Variants in CPS1 observed in about 807,000 individuals in gnomAD.
The protein encoded by CPS1 is carbamoyl-phosphate synthase [ammonia], mitochondrial.
Under a neutral mutation model 174.6 loss-of-function variants are expected in CPS1, and 109 were observed. That is an observed-to-expected ratio of 0.62 (90% CI 0.53 to 0.73). CPS1 has a LOEUF of 0.73. CPS1 is among the 30% of genes least tolerant of loss of function. The pLI is 0.00. For missense variants in CPS1, 1,689 were observed against 1,821.9 expected (o/e 0.93, Z 1.33); for synonymous variants, 637 against 632.0 (o/e 1.01, Z -0.12).
At chr2:210,648,442 A>G (rs546062956) in intron 26 of CPS1, 31 bp from the exon 27 acceptor site, 4 of 1,556,956 alleles carry the variant, frequency 2.6e-6, no homozygotes, top group East Asian at 2.2e-5. Context: ...TAAACTACTC[A>G]TACATTTTTA....
At position 210,582,682 on chromosome 2, in the gene CPS1, G is replaced by A. The variant is rs150369462; in HGVS notation, c.594G>A (p.Gln198=). The A allele has an allele frequency of 2.9e-5, 47 of 1,613,030 alleles. No homozygotes were observed. In the African/African-American group the frequency reaches 5.5e-4, roughly 19 times the overall value. Residue 198 remains glutamine, a synonymous_variant, in exon 6 of 38, where the codon CAG becomes CAA. Coordinates refer to ENST00000233072, the MANE Select transcript of CPS1 (RefSeq NM_001875.5). The stretch of plus-strand genomic sequence containing the variant: ...TGGATTTTGTGGATCCAAATAAACA[G>A]AATTTGATTGCTGAGGTTTCAACCA... The part of the protein sequence containing the change: ...QPVDFVDPNK[Q]NLIAEVSTKD...
At chr2:210,482,672 GAGAA>G (rs1460347552) in intron 1 of CPS1, among the ~76,000 whole-genome samples, 3 of 80,968 alleles carry the variant, frequency 3.7e-5, no homozygotes, top group African/African-American at 5.7e-5. Flanking sequence ...GAGAGAGAGA[GAGAA>G]AGAGAGAGAG....
chr2:210,595,341 C>T, intron 12 of CPS1, 146 bp from the exon 13 acceptor site: 1 of 624,130 alleles, frequency 1.6e-6, no homozygotes, highest in Non-Finnish European at 2.9e-6. Flanking sequence ...TAGTCTTTTT[C>T]CCTATATATT....
At chr2:210,579,546 C>G (rs1046780276) in intron 4 of CPS1, among the ~76,000 whole-genome samples, 168 bp from the exon 5 acceptor site, 1 of 152,168 alleles carries the variant, frequency 6.6e-6, no homozygotes, top group Middle Eastern at 3.4e-3. Flanking sequence ...ACTGTAGCAA[C>G]AATTTACTGT....
At chr2:210,616,704 T>C (rs549193930) in intron 21 of CPS1, among the ~76,000 whole-genome samples, 163 bp downstream of exon 21, 110 of 151,990 alleles carry the variant, frequency 7.2e-4, no homozygotes, top group Middle Eastern at 3.4e-3. Flanking sequence ...GGCAGGTTTT[T>C]TTTTTTTTAG....
intron 33 of CPS1, among the ~76,000 whole-genome samples, chr2:210,666,232 T>G (rs1701092682): frequency 6.6e-6 from 1 of 150,660 alleles, no homozygotes; most frequent in Non-Finnish European, 1.5e-5. Flanking sequence ...ATTAGCCCTT[T>G]GTCAGATGAG....
intron 10 of CPS1, 126 bp downstream of exon 10, chr2:210,592,095 TG>T (rs1460732080): frequency 6.5e-6 from 7 of 1,083,346 alleles, no homozygotes; most frequent in Non-Finnish European, 9.3e-6. Flanking sequence ...GCATATCATA[TG>T]TAATGATCAA....
At position 210,576,443 on chromosome 2, in the gene CPS1, C is replaced by G. The variant is rs149675371; in HGVS notation, c.334C>G (p.Leu112Val). Residue 112 changes from leucine (L) to valine (V), a missense_variant, in exon 3 of 38, where the codon CTG becomes GTG. Leu to Val is a conservative substitution (Grantham distance 32). Coordinates refer to ENST00000233072, the MANE Select transcript of CPS1 (RefSeq NM_001875.5). ...GNGGAPDTTA[L>V]DELGLSKYLE... ...TGGTGGAGCTCCTGATACTACTGCT[C>G]TGGATGAACTGGGACTTAGCAAATA... 1.5e-5 allele frequency: 24 copies of G among 1,613,546 alleles called. No individual in the cohort carries two copies. The African/African-American group carries it at 2.1e-4, about 14-fold the overall frequency.
In CPS1 at chr2:210,640,045, G is replaced by T. The variant is rs121912595; in HGVS notation, c.2945G>T (p.Gly982Val). 8.1e-6 allele frequency: 13 copies of T among 1,605,548 alleles called. No individual in the cohort carries two copies. The highest frequency in any genetic ancestry group is 1.3e-5 in the African/African-American group (1 of 74,704). Reference protein sequence around the residue: ...DDHGMMVLGCGPYHIGSSVEF... With the variant: ...DDHGMMVLGCVPYHIGSSVEF... ...CATGGAATGATGGTGCTAGGCTGTGGTCCATATCACATTGGTAAAATAATA... is the reference window on the plus strand; with the variant it reads ...CATGGAATGATGGTGCTAGGCTGTGTTCCATATCACATTGGTAAAATAATA... Residue 982 changes from glycine to valine, a missense_variant, in exon 24 of 38, where the codon GGT becomes GTT. By Grantham distance (109) the Gly-to-Val change is moderately radical. Transcript: ENST00000233072.
At chr2:210,579,585 G>C (rs1207049081) in intron 4 of CPS1, 129 bp from the exon 5 acceptor site, 1 of 752,798 alleles carries the variant, frequency 1.3e-6, no homozygotes, top group East Asian at 2.6e-5. Flanking sequence ...CCCTGGGTCA[G>C]AGAAAAGAAA....
chr2:210,579,130 A>C (rs376577967), intron 4 of CPS1, among the ~76,000 whole-genome samples: 2 of 152,344 alleles, frequency 1.3e-5, no homozygotes, highest in Non-Finnish European at 2.9e-5. Flanking sequence ...TCTTTTTAAA[A>C]AAATCTTATT....
chr2:210,651,209 TGGAG>T (rs1181818753), intron 28 of CPS1, among the ~76,000 whole-genome samples: 1 of 152,118 alleles, frequency 6.6e-6, no homozygotes, highest in African/African-American at 2.4e-5. Context: ...AAGTGGAATT[TGGAG>T]GGAGGAAGAG....
At chr2:210,640,109 T>G (rs1282933357) in intron 24 of CPS1, 50 bp downstream of exon 24, 1 of 1,137,116 alleles carries the variant, frequency 8.8e-7, no homozygotes, top group Non-Finnish European at 1.3e-6. Flanking sequence ...TTTATATAGT[T>G]TTCTTCATAC....
chr2:210,653,386 TGAG>T (rs1309743848), intron 28 of CPS1, among the ~76,000 whole-genome samples: 1 of 152,112 alleles, frequency 6.6e-6, no homozygotes, highest in Non-Finnish European at 1.5e-5. Flanking sequence ...CACTTCAAGA[TGAG>T]AAGTGTCTGA....
chr2:210,546,712 T>C (rs1271904746), intron 1 of CPS1, among the ~76,000 whole-genome samples: 3 of 152,110 alleles, frequency 2.0e-5, no homozygotes, highest in African/African-American at 7.2e-5. Flanking sequence ...TCAATGCCAT[T>C]TAATAAAGAG....
rs1698310755 is a variant in CPS1, at chr2:210,591,824, TC to T, written c.948-6del. The T allele has an allele frequency of 1.2e-6, 2 of 1,611,890 alleles. No homozygotes were observed. The highest frequency in any genetic ancestry group is 1.7e-5 in the Admixed American group (1 of 59,842). ...TTTCCCTATTCTTTTTCTCCTTTTC[TC>T]TCCAGAGGGCAGAATCAGCCTGTTT... On this transcript the variant is annotated splice_region_variant and splice_polypyrimidine_tract_variant and intron_variant, in intron 9 of 37. Transcript: ENST00000233072.
rs751497621 is a variant in CPS1, at chr2:210,485,102, G to A, written c.3+7336G>A. ...AAAAATTAGCCGGGCATGGTGGCAG[G>A]CACCTGTAGTCCCAACTACTCGGGA... is the stretch of plus-strand genomic sequence containing the variant. On this transcript the variant is annotated intron_variant, in intron 1 of 38. Transcript: ENST00000430249. 1.3e-4 allele frequency among the ~76,000 whole-genome samples: 19 copies of A among 151,938 alleles called. No homozygotes were observed. In the East Asian group the frequency reaches 3.3e-3, roughly 26 times the overall value.
intron 35 of CPS1, 57 bp from the exon 36 acceptor site, chr2:210,675,671 C>T: frequency 2.4e-6 from 2 of 847,114 alleles, no homozygotes; most frequent in Admixed American, 1.7e-5. Flanking sequence ...ATTACATGTT[C>T]CATAAAAATA....
At chr2:210,557,390 G>A (rs945485843) in intron 1 of CPS1, among the ~76,000 whole-genome samples, 1 of 151,954 alleles carries the variant, frequency 6.6e-6, no homozygotes, top group African/African-American at 2.4e-5. Context: ...TTTCCTTCTG[G>A]CTGTTTTTTT....
Sources: gnomAD v4.1 joint callset for allele counts (sites outside exome capture counted in the v4.1 genomes callset) on GRCh38, gnomAD v4.1.1 for gene constraint, MANE v1.5 for transcripts, NCBI Gene and HGNC (gene_info 2026-07-23, HGNC 2026-07-21) for gene names.